The following PTCHD1 variants were observed in gnomAD, a reference collection of about 807,000 sequenced individuals.
PTCHD1 encodes patched domain-containing protein 1.
PTCHD1 carries 3 observed loss-of-function variants against 34.6 expected under a neutral mutation model. That is an observed-to-expected ratio of 0.09 (90% CI 0.04 to 0.22). PTCHD1 has a LOEUF of 0.22. Among genes scored for constraint, PTCHD1 ranks in the 10% least tolerant of loss-of-function variants. The pLI, the probability that PTCHD1 is intolerant of heterozygous loss-of-function variation, is 1.00. For missense variants in PTCHD1, 504 were observed against 685.5 expected (o/e 0.74, Z 2.96); for synonymous variants, 305 against 283.1 (o/e 1.08, Z -0.77).
chrX:23,399,484 G>A lies in PTCHD1; in HGVS notation c.*5299G>A, dbSNP rs1480662288. ...AAGAGGTCTATGACCGAAAAAGGGT[G>A]AAGAACCACTGTCCTAAATTAATAC... On this transcript the variant is annotated 3_prime_UTR_variant, in exon 3 of 3. Transcript: ENST00000379361. 3 of 111,605 alleles carry A rather than the reference G, an allele frequency of 2.7e-5. No individual in the cohort carries two copies. Among genetic ancestry groups the A allele is most frequent in the Non-Finnish European group, 5.6e-5 (3 of 53,164 alleles). The allele number at this position is 111,605 out of a possible 1,213,427, so 9.2% of individuals were successfully genotyped here.
At chrX:23,335,362 GC>G in intron 1 of PTCHD1, 136 bp downstream of exon 1, 2 of 526,361 alleles carry the variant, frequency 3.8e-6, no homozygotes, top group Non-Finnish European at 6.2e-6. Context: ...TGCACCGCGC[GC>G]CCCAGGGCGG....
In PTCHD1 at chrX:23,394,239, A is replaced by G; in HGVS notation, c.*54A>G. 1 of 770,688 alleles carries G rather than the reference A, an allele frequency of 1.3e-6. No individual in the cohort carries two copies. Among genetic ancestry groups the G allele is most frequent in the Non-Finnish European group, 1.9e-6 (1 of 535,996 alleles). The allele number at this position is 770,688 out of a possible 1,213,427, so 63.5% of individuals were successfully genotyped here. A position where few individuals can be genotyped will look rare whatever the true frequency, so the allele number is the denominator to read the frequency against. The stretch of plus-strand genomic sequence containing the variant: ...AGGTCTTATCAAGACCAAAGAGATT[A>G]TGTTAATGAAACAATTAAATTCAAA... On this transcript the variant is annotated 3_prime_UTR_variant, in exon 3 of 3. Transcript: ENST00000379361.
rs140679153 is a variant in PTCHD1, at chrX:23,363,610, G to A, written c.352-15981G>A. ...AATCCCCTGACCCCTTGCGCTTCCT[G>A]GGTGAGGCGATGCCCCGCCCTGCTT... On this transcript the variant is annotated intron_variant, in intron 1 of 2. Coordinates refer to ENST00000379361, the MANE Select transcript of PTCHD1 (RefSeq NM_173495.3). Among the ~76,000 whole-genome samples, 270 of 112,813 alleles carry A rather than the reference G, an allele frequency of 2.4e-3. 1 individual carries two copies. The highest frequency in any genetic ancestry group is 7.5e-3 in the African/African-American group (233 of 31,099).
chrX:23,351,307 C>T (rs924476751), intron 1 of PTCHD1: 40 of 864,464 alleles, frequency 4.6e-5, no homozygotes, highest in Non-Finnish European at 6.6e-5. Flanking sequence ...GGACAACTTA[C>T]ACAATTTTGC....
At position 23,374,603 on chromosome X, in the gene PTCHD1, C is replaced by CT. The variant is rs199743694; in HGVS notation, c.352-4972dup. 6.8e-3 allele frequency among the ~76,000 whole-genome samples: 658 copies of CT among 97,125 alleles called. 4 individuals carry two copies. The highest frequency in any genetic ancestry group is 0.011 in the African/African-American group (294 of 27,343). The allele number at this position is 97,125 out of a possible 115,157, so 84.3% of individuals were successfully genotyped here. On this transcript the variant is annotated intron_variant, in intron 1 of 2. Transcript: ENST00000379361. Reference sequence around the variant, plus strand: ...TGGGAAATCACTCAGAGAGGGAAATCTTTTTTTTTTTTTTTTCCAGTAAAC... The same window carrying CT: ...TGGGAAATCACTCAGAGAGGGAAATCTTTTTTTTTTTTTTTTTCCAGTAAAC...
chrX:23,397,696 C>T lies in PTCHD1; in HGVS notation c.*3511C>T, dbSNP rs1601919809. 1 of 111,005 alleles carries T rather than the reference C, an allele frequency of 9.0e-6. No individual in the cohort carries two copies. The highest frequency in any genetic ancestry group is 2.8e-4 in the East Asian group (1 of 3,518). The allele number at this position is 111,005 out of a possible 1,213,427, so 9.1% of individuals were successfully genotyped here. ...AAATGAGGACCTTGGTAACCCTTGA[C>T]CCTTTAATTCTAACTAACCATCACC... On this transcript the variant is annotated 3_prime_UTR_variant, in exon 3 of 3. Transcript: ENST00000379361.
chrX:23,358,828 G>A (rs1405290757), intron 1 of PTCHD1, among the ~76,000 whole-genome samples: 1 of 112,102 alleles, frequency 8.9e-6, no homozygotes, highest in Non-Finnish European at 1.9e-5. Flanking sequence ...TTTTGTATAA[G>A]GTGTAAGGAA....
intron 1 of PTCHD1, among the ~76,000 whole-genome samples, chrX:23,337,240 G>C (rs968180122): frequency 1.8e-5 from 2 of 111,843 alleles, no homozygotes; most frequent in African/African-American, 3.3e-5. Flanking sequence ...TTAAGAACTG[G>C]GATGGTTTTT....
intron 1 of PTCHD1, among the ~76,000 whole-genome samples, chrX:23,366,157 A>T (rs1231299684): frequency 8.9e-6 from 1 of 112,120 alleles, no homozygotes; most frequent in Admixed American, 9.4e-5. Flanking sequence ...TCAAGCTAGT[A>T]TGACCCCCAC....
chrX:23,380,687 T>A (rs750094825), intron 2 of PTCHD1, among the ~76,000 whole-genome samples: 30 of 111,802 alleles, frequency 2.7e-4, no homozygotes, highest in Non-Finnish European at 5.5e-4. Flanking sequence ...GGTATGTTAA[T>A]GAGCCCAAGA....
chrX:23,342,310 ATT>A (rs1174366015), intron 1 of PTCHD1, among the ~76,000 whole-genome samples: 232 of 12,794 alleles, frequency 0.018, 4 homozygotes, highest in Non-Finnish European at 0.021. Context: ...ATATATATAT[ATT>A]TTTTTTTTTT....
rs1021617459 is a variant in PTCHD1, at chrX:23,393,326, G to A, written c.1808G>A (p.Gly603Asp). The change falls in exon 3 of 3, where the codon GGC becomes GAC. Residue 603 changes from glycine to aspartate, a missense_variant. Gly to Asp is a moderately conservative substitution (Grantham distance 94). Transcript: ENST00000379361. ...CTTCGGAAACTCAATGTATCCACTG[G>A]CTTGCCTAAGAAAAATTTCACAGAC... ...NYLRKLNVST[G>D]LPKKNFTDML... is the part of the protein sequence containing the mutation. The A allele has an allele frequency of 8.3e-7, 1 of 1,209,036 alleles. No individual in the cohort carries two copies. The highest frequency in any genetic ancestry group is 3.0e-5 in the East Asian group (1 of 33,784).
chrX:23,385,038 T>A (rs1365648529), intron 2 of PTCHD1, among the ~76,000 whole-genome samples: 1 of 112,160 alleles, frequency 8.9e-6, no homozygotes, highest in Non-Finnish European at 1.9e-5. Context: ...AGAAAACAAC[T>A]GATTTATGAG....
At chrX:23,371,548 T>C (rs16982610) in intron 1 of PTCHD1, among the ~76,000 whole-genome samples, 2,198 of 111,436 alleles carry the variant, frequency 0.02, 59 homozygotes, top group African/African-American at 0.068. Flanking sequence ...AGAATTGAGA[T>C]AGTATGTTAG....
At chrX:23,335,536 G>A (rs56351255) in intron 1 of PTCHD1, among the ~76,000 whole-genome samples, 1,503 of 113,334 alleles carry the variant, frequency 0.013, 18 homozygotes, top group Middle Eastern at 0.023. Flanking sequence ...TGGGCTTGGG[G>A]GTGGGGAGGC....
In PTCHD1 at chrX:23,398,964, G is replaced by A. The variant is rs1365122296; in HGVS notation, c.*4779G>A. 1 of 111,145 alleles carries A rather than the reference G, an allele frequency of 9.0e-6. No individual in the cohort carries two copies. Among genetic ancestry groups the A allele is most frequent in the Non-Finnish European group, 1.9e-5 (1 of 53,090 alleles). 9.2% of individuals were successfully genotyped at this position (111,145 alleles called of 1,213,427 possible). On this transcript the variant is annotated 3_prime_UTR_variant, in exon 3 of 3. Transcript: ENST00000379361. Reference sequence around the variant, plus strand: ...GGCCTCTGTGCAGATTTTTGAGTTAGATTAAAATTAGTACCACCTGATTAG... The same window carrying A: ...GGCCTCTGTGCAGATTTTTGAGTTAAATTAAAATTAGTACCACCTGATTAG...
At chrX:23,337,979 G>A (rs939433620) in intron 1 of PTCHD1, among the ~76,000 whole-genome samples, 3 of 112,019 alleles carry the variant, frequency 2.7e-5, no homozygotes, top group East Asian at 5.6e-4. Flanking sequence ...CCAGGTTGAC[G>A]TTTTTAAATG....
upstream of PTCHD1, chrX:23,334,713 C>T (rs1487925744): frequency 9.3e-6 from 1 of 107,466 alleles, no homozygotes; most frequent in Non-Finnish European, 1.9e-5. Context: ...CGGGACTCCC[C>T]GATGGTGGTG....
intron 1 of PTCHD1, among the ~76,000 whole-genome samples, chrX:23,354,841 G>C (rs938574099): frequency 7.3e-5 from 8 of 109,085 alleles, no homozygotes; most frequent in African/African-American, 2.7e-4. Context: ...AAAGTGCTGG[G>C]ATTATAGGGG....
Sources: allele counts gnomAD v4.1 joint callset (sites outside exome capture counted in the v4.1 genomes callset), GRCh38; gene constraint gnomAD v4.1.1; transcripts MANE v1.5; gene names NCBI Gene and HGNC (gene_info 2026-07-23, HGNC 2026-07-21).